XPO4: variants seen among roughly 807,000 people sequenced by gnomAD.
XPO4 encodes exportin 4.
Under a neutral mutation model 143.0 loss-of-function variants are expected in XPO4, and 39 were observed. That is an observed-to-expected ratio of 0.27 (90% CI 0.21 to 0.36). The LOEUF (loss-of-function observed/expected upper bound fraction) is 0.36, where lower values mean the gene tolerates loss of function less well. XPO4 is among the 10% of genes least tolerant of loss of function. The pLI, the probability that XPO4 is intolerant of heterozygous loss-of-function variation, is 1.00. For missense variants in XPO4, 907 were observed against 1,348.0 expected (o/e 0.67, Z 5.12); for synonymous variants, 439 against 474.0 (o/e 0.93, Z 0.96).
At chr13:20,843,105 CT>C in intron 5 of XPO4, 57 bp from the exon 6 acceptor site, 1 of 1,457,912 alleles carries the variant, frequency 6.9e-7, no homozygotes, top group Non-Finnish European at 9.2e-7. Context: ...AATGTATCCC[CT>C]TTTAGAATCA....
At chr13:20,890,862 C>T (rs917728175) in intron 1 of XPO4, among the ~76,000 whole-genome samples, 1 of 149,122 alleles carries the variant, frequency 6.7e-6, no homozygotes, top group Non-Finnish European at 1.5e-5. Flanking sequence ...AATCTCAGCA[C>T]TTTGGGAAGC....
intron 1 of XPO4, among the ~76,000 whole-genome samples, chr13:20,873,578 TA>T (rs2060322752): frequency 6.6e-6 from 1 of 152,200 alleles, no homozygotes; most frequent in South Asian, 2.1e-4. Context: ...ATCGTGTTAC[TA>T]ATCCTTTCCT....
At chr13:20,872,504 C>T (rs891185039) in intron 1 of XPO4, among the ~76,000 whole-genome samples, 1 of 152,104 alleles carries the variant, frequency 6.6e-6, no homozygotes, top group African/African-American at 2.4e-5. Flanking sequence ...CATTTAATAG[C>T]AACTAACATT....
At position 20,843,023 on chromosome 13, in the gene XPO4, A is replaced by G; in HGVS notation, c.599T>C (p.Met200Thr). 1.2e-6 allele frequency: 2 copies of G among 1,612,242 alleles called. No individual in the cohort carries two copies. The highest frequency in any genetic ancestry group is 1.7e-6 in the Non-Finnish European group (2 of 1,178,782). The change falls in exon 6 of 23, where the codon ATG becomes ACG. Residue 200 changes from methionine (M) to threonine (T), a missense_variant. Met to Thr is a moderately conservative substitution (Grantham distance 81). Coordinates refer to ENST00000255305, the MANE Select transcript of XPO4 (RefSeq NM_022459.5). ...FQEEDLRQIF[M>T]LTVEVLQEFS... ...CTCCTGCAGAACTTCAACAGTTAAC[A>G]TGAAGATCTGACGAAGGTCTTCTTC... is the stretch of plus-strand genomic sequence containing the variant.
intron 1 of XPO4, among the ~76,000 whole-genome samples, chr13:20,888,917 C>T (rs545031617): frequency 6.6e-6 from 1 of 152,044 alleles, no homozygotes; most frequent in Non-Finnish European, 1.5e-5. Context: ...ATTCTCCTGC[C>T]TCAGCCTCCC....
In XPO4 at chr13:20,808,587, A is replaced by C; in HGVS notation, c.1494-6T>G. On this transcript the variant is annotated splice_region_variant and splice_polypyrimidine_tract_variant and intron_variant, in intron 11 of 22. Coordinates refer to ENST00000255305, the MANE Select transcript of XPO4 (RefSeq NM_022459.5). ...TTACTCTTTCTTCTAATAAACTAAA[A>C]GAGAAGAAAACAGTAGCTTCATAAA... 1 of 1,536,262 alleles carries C rather than the reference A, an allele frequency of 6.5e-7. No homozygotes were observed. The highest frequency in any genetic ancestry group is 8.9e-7 in the Non-Finnish European group (1 of 1,128,540).
intron 1 of XPO4, among the ~76,000 whole-genome samples, chr13:20,873,263 G>C (rs1822364): frequency 0.82 from 124,548 of 152,136 alleles, 51,162 homozygotes; most frequent in East Asian, 1. Flanking sequence ...TGGAGAACAC[G>C]ATCACTGTTC....
rs921196297 is a variant in XPO4, at chr13:20,780,865, A to C, written c.*2857T>G. The C allele has an allele frequency of 1.3e-5, 2 of 152,226 alleles. No homozygotes were observed. Among genetic ancestry groups the C allele is most frequent in the Non-Finnish European group, 2.9e-5 (2 of 68,042 alleles). 9.4% of individuals were successfully genotyped at this position (152,226 alleles called of 1,614,324 possible). ...ACTCATCCAGCACAAGGACTATAAA[A>C]GCAAATCAATCCTTTTAACAGAACA... On this transcript the variant is annotated 3_prime_UTR_variant, in exon 23 of 23. Transcript: ENST00000255305.
At chr13:20,814,346 A>G (rs1388118029) in intron 9 of XPO4, among the ~76,000 whole-genome samples, 2 of 152,234 alleles carry the variant, frequency 1.3e-5, no homozygotes, top group African/African-American at 2.4e-5. Context: ...ATTATTAAAA[A>G]AAGTTTTCAA....
rs189161627 is a variant in XPO4 at position 20,890,528 on chromosome 13, G to A, written c.69+12142C>T. Among the ~76,000 whole-genome samples, 140 of 152,182 alleles carry A rather than the reference G, an allele frequency of 9.2e-4. 1 individual carries two copies. The highest frequency in any genetic ancestry group is 3.3e-3 in the African/African-American group (136 of 41,544). The stretch of plus-strand genomic sequence containing the variant: ...TACGCAAAGAGCATGGCCAGGCAAG[G>A]TGGCTCATGCTTGTAATCCCAGCGC... On this transcript the variant is annotated intron_variant, in intron 1 of 22. Coordinates refer to ENST00000255305, the MANE Select transcript of XPO4 (RefSeq NM_022459.5).
At chr13:20,847,005 A>G (rs961995478) in intron 4 of XPO4, among the ~76,000 whole-genome samples, 3 of 152,316 alleles carry the variant, frequency 2.0e-5, no homozygotes, top group Middle Eastern at 3.4e-3. Flanking sequence ...ATCAGCTTCC[A>G]AAGAACTAAA....
Position 20,799,261 on chromosome 13 carries a change from G to T in XPO4, c.2226C>A (p.Phe742Leu). 5 of 1,614,070 alleles carry T rather than the reference G, an allele frequency of 3.1e-6. No individual in the cohort carries two copies. The highest frequency in any genetic ancestry group is 4.2e-6 in the Non-Finnish European group (5 of 1,179,978). ...ATGTCCTCTGCACAGGACTTGACAA[G>T]AAATTAAGAGGTGGGCTTCGGCTTG... ...QFASRSPPLNFLSSPVQRTLM... is the reference protein window; with the variant it reads ...QFASRSPPLNLLSSPVQRTLM... The change falls in exon 16 of 23, where the codon TTC (phenylalanine) becomes TTA (leucine). Residue 742 changes from phenylalanine (F) to leucine (L), a missense_variant. Coordinates refer to ENST00000255305, the MANE Select transcript of XPO4 (RefSeq NM_022459.5).
chr13:20,880,590 A>G (rs151109897), intron 1 of XPO4, among the ~76,000 whole-genome samples: 1 of 152,246 alleles, frequency 6.6e-6, no homozygotes, highest in Non-Finnish European at 1.5e-5. Flanking sequence ...AGACTGTACC[A>G]ATGTTCACTA....
intron 4 of XPO4, chr13:20,848,667 C>G (rs2138078480): frequency 1.0e-6 from 1 of 985,166 alleles, no homozygotes; most frequent in East Asian, 1.1e-4. Flanking sequence ...GAAGCTGTAT[C>G]ACTAAAGCAA....
Position 20,796,886 on chromosome 13 carries a change from T to G in XPO4, c.2494A>C (p.Met832Leu). 1 of 1,614,170 alleles carries G rather than the reference T, an allele frequency of 6.2e-7. No individual in the cohort carries two copies. The highest frequency in any genetic ancestry group is 2.2e-5 in the East Asian group (1 of 44,876). ...DNVAILFNFL[M>L]DFLTNCIGLM... ...CCAATGCAATTGGTAAGGAAGTCCA[T>G]TAAAAAATTAAACAGGATTGCTACG... Residue 832 changes from methionine (M) to leucine (L), a missense_variant, in exon 17 of 23, where the codon ATG (methionine) becomes CTG (leucine). Physicochemically the swap from Met to Leu is conservative, Grantham distance 15. Coordinates refer to ENST00000255305, the MANE Select transcript of XPO4 (RefSeq NM_022459.5).
At position 20,792,135 on chromosome 13, in the gene XPO4, G is replaced by A. The variant is rs114159026; in HGVS notation, c.2798-1555C>T. On this transcript the variant is annotated intron_variant, in intron 18 of 22. Coordinates refer to ENST00000255305, the MANE Select transcript of XPO4 (RefSeq NM_022459.5). ...GTCTCTAACCATGTGCTCTGCTAAG[G>A]AGTCAAGAAAGCAGGTCGGATACCA... 3.0e-3 allele frequency among the ~76,000 whole-genome samples: 450 copies of A among 152,272 alleles called. 1 individual carries two copies. The highest frequency in any genetic ancestry group is 0.01 in the African/African-American group (435 of 41,562).
In XPO4 at chr13:20,809,790, C is replaced by T; in HGVS notation, c.1350+1G>A. 1 of 1,601,468 alleles carries T rather than the reference C, an allele frequency of 6.2e-7. No homozygotes were observed. Among genetic ancestry groups the T allele is most frequent in the Non-Finnish European group, 8.5e-7 (1 of 1,174,234 alleles). ...TAATTACCATCTTGCTTAAAACTCA[C>T]CAAATTTCTTGTGCCATCTGGAGCA... is the stretch of plus-strand genomic sequence containing the variant. On this transcript the variant is annotated splice_donor_variant, in intron 10 of 22. Coordinates refer to ENST00000255305, the MANE Select transcript of XPO4 (RefSeq NM_022459.5). LOFTEE classifies it high-confidence loss of function.
intron 1 of XPO4, among the ~76,000 whole-genome samples, chr13:20,893,023 G>A (rs999320935): frequency 2.3e-4 from 35 of 152,280 alleles, no homozygotes; most frequent in African/African-American, 7.5e-4. Flanking sequence ...GGGAAGAAAA[G>A]CATTCCAGAC....
In XPO4 at chr13:20,783,609, C is replaced by G. The variant is rs138257493; in HGVS notation, c.*113G>C. 1.7e-6 allele frequency: 2 copies of G among 1,199,670 alleles called. No homozygotes were observed. Among genetic ancestry groups the G allele is most frequent in the Non-Finnish European group, 2.4e-6 (2 of 829,056 alleles). The allele number at this position is 1,199,670 out of a possible 1,614,324, so 74.3% of individuals were successfully genotyped here. On this transcript the variant is annotated 3_prime_UTR_variant, in exon 23 of 23. Transcript: ENST00000255305. ...CATACATATCAAAGTTTCAGGCTCT[C>G]CAAAATCCAAAATGGCCAAATGAAC...
Sources: gnomAD v4.1 joint callset for allele counts (sites outside exome capture counted in the v4.1 genomes callset) on GRCh38, gnomAD v4.1.1 for gene constraint, MANE v1.5 for transcripts, NCBI Gene and HGNC (gene_info 2026-07-23, HGNC 2026-07-21) for gene names.